RAD51B: variants seen among roughly 807,000 people sequenced by gnomAD.
RAD51B encodes the protein RAD51 paralog B.
RAD51B carries 38 observed loss-of-function variants against 42.2 expected under a neutral mutation model. That is an observed-to-expected ratio of 0.90 (90% CI 0.70 to 1.18). The LOEUF (loss-of-function observed/expected upper bound fraction) is 1.18. RAD51B is among the 50% of genes most tolerant of loss of function. The probability of loss-of-function intolerance (pLI) is 0.00; values close to 1 mark genes in which losing one functional copy is unlikely to be tolerated. For missense variants in RAD51B, 373 were observed against 400.7 expected (o/e 0.93, Z 0.59); for synonymous variants, 154 against 145.2 (o/e 1.06, Z -0.43).
chr14:67,824,764 G>C (rs1009364350), intron 2 of RAD51B, among the ~76,000 whole-genome samples: 4 of 151,834 alleles, frequency 2.6e-5, no homozygotes, highest in African/African-American at 9.7e-5. Context: ...TATTATCTCT[G>C]AGTGAACTTC....
intron 10 of RAD51B, among the ~76,000 whole-genome samples, chr14:68,473,617 A>G (rs549578242): frequency 2.0e-5 from 3 of 152,160 alleles, no homozygotes; most frequent in Non-Finnish European, 4.4e-5. Context: ...ATGAAAAAAA[A>G]TTTTAAATAC....
At chr14:67,904,125 T>C (rs1034050001) in intron 7 of RAD51B, among the ~76,000 whole-genome samples, 3 of 152,178 alleles carry the variant, frequency 2.0e-5, no homozygotes, top group Admixed American at 1.3e-4. Context: ...ATGGTATATA[T>C]GTACCACATT....
intron 7 of RAD51B, among the ~76,000 whole-genome samples, chr14:68,200,403 T>G (rs2079458395): frequency 6.6e-6 from 1 of 152,226 alleles, no homozygotes; most frequent in East Asian, 1.9e-4. Context: ...TGCTTTTATT[T>G]AAAGTATTAC....
At chr14:68,521,891 T>C (rs959543093) in intron 10 of RAD51B, among the ~76,000 whole-genome samples, 1 of 152,220 alleles carries the variant, frequency 6.6e-6, no homozygotes, top group African/African-American at 2.4e-5. Context: ...TAACCCTATG[T>C]TAAATGAAGT....
At chr14:67,823,383 A>C (rs1011037508) in intron 1 of RAD51B, 159 bp from the exon 2 acceptor site, 7 of 561,198 alleles carry the variant, frequency 1.2e-5, no homozygotes, top group African/African-American at 1.9e-5. Context: ...GTTCTATAGC[A>C]TTCCTTTATC....
chr14:68,591,714 C>A (rs961954488), intron 10 of RAD51B, among the ~76,000 whole-genome samples: 2 of 152,222 alleles, frequency 1.3e-5, no homozygotes. Context: ...ACAAGGATCT[C>A]TCACCCTGTT....
intron 9 of RAD51B, among the ~76,000 whole-genome samples, chr14:68,454,435 C>A (rs1035798524): frequency 2.5e-4 from 38 of 151,212 alleles, no homozygotes; most frequent in African/African-American, 9.0e-4. Flanking sequence ...AGAAAAAAAA[C>A]AAGTGACTCT....
At chr14:68,002,045 C>T (rs975485334) in intron 7 of RAD51B, among the ~76,000 whole-genome samples, 2 of 151,996 alleles carry the variant, frequency 1.3e-5, no homozygotes, top group Non-Finnish European at 1.5e-5. Context: ...GATTTATATT[C>T]CTTTGGGTAT....
chr14:68,007,087 C>T (rs906111842), intron 7 of RAD51B, among the ~76,000 whole-genome samples: 12 of 152,020 alleles, frequency 7.9e-5, no homozygotes, highest in African/African-American at 2.2e-4. Flanking sequence ...ACTGTGTATT[C>T]GTCTATTCTG....
intron 8 of RAD51B, among the ~76,000 whole-genome samples, chr14:68,323,100 C>G (rs544279931): frequency 2.0e-5 from 3 of 152,214 alleles, no homozygotes; most frequent in African/African-American, 7.2e-5. Context: ...GTTTTTCCCC[C>G]AAGGAGAACA....
At chr14:68,045,193 G>A (rs148798172) in intron 7 of RAD51B, among the ~76,000 whole-genome samples, 2,311 of 124,046 alleles carry the variant, frequency 0.019, 60 homozygotes, top group African/African-American at 0.068. Flanking sequence ...CCAAGATCGC[G>A]CCATTGCACT....
chr14:68,115,906 C>T (rs993055962), intron 7 of RAD51B, among the ~76,000 whole-genome samples: 3 of 151,844 alleles, frequency 2.0e-5, no homozygotes, highest in African/African-American at 4.8e-5. Context: ...GGTGTCAATA[C>T]CCTTCCTACA....
At chr14:68,574,018 G>C (rs1426040240) in intron 10 of RAD51B, among the ~76,000 whole-genome samples, 1 of 149,418 alleles carries the variant, frequency 6.7e-6, no homozygotes, top group African/African-American at 2.5e-5. Context: ...TCACTCACAT[G>C]TTGAAGGAAC....
chr14:68,640,900 T>A (rs1327938682), intron 10 of RAD51B, among the ~76,000 whole-genome samples: 1 of 152,200 alleles, frequency 6.6e-6, no homozygotes, highest in Non-Finnish European at 1.5e-5. Flanking sequence ...TTACTGTCTC[T>A]AACCATAAAG....
chr14:68,520,900 C>T (rs1340548660), intron 10 of RAD51B, among the ~76,000 whole-genome samples: 1 of 152,176 alleles, frequency 6.6e-6, no homozygotes, highest in African/African-American at 2.4e-5. Context: ...CGTCAATAGT[C>T]CTGAAAGGTT....
At chr14:68,540,722 G>C (rs573439401) in intron 10 of RAD51B, 26 of 985,386 alleles carry the variant, frequency 2.6e-5, no homozygotes, top group Middle Eastern at 5.2e-4. Flanking sequence ...AGAGAGGGTG[G>C]GTTTAAGGGT....
intron 7 of RAD51B, among the ~76,000 whole-genome samples, chr14:68,046,391 A>G (rs150505267): frequency 1.2e-3 from 181 of 152,330 alleles, no homozygotes; most frequent in African/African-American, 4.3e-3. Flanking sequence ...TTCTGGGATT[A>G]TAGATGTGAG....
At chr14:67,971,043 C>T (rs2074888458) in intron 7 of RAD51B, among the ~76,000 whole-genome samples, 1 of 152,010 alleles carries the variant, frequency 6.6e-6, no homozygotes, top group Admixed American at 6.6e-5. Context: ...AATTTTTAAA[C>T]TATATATTTC....
intron 8 of RAD51B, among the ~76,000 whole-genome samples, chr14:68,384,499 G>A (rs544674509): frequency 6.6e-5 from 10 of 152,262 alleles, no homozygotes; most frequent in East Asian, 1.9e-4. Flanking sequence ...TTTGTGAAGC[G>A]GTCGTTTGCC....
Sources: allele counts gnomAD v4.1 joint callset (sites outside exome capture counted in the v4.1 genomes callset), GRCh38; gene constraint gnomAD v4.1.1; transcripts MANE v1.5; gene names NCBI Gene and HGNC (gene_info 2026-07-23, HGNC 2026-07-21).